The following CNTN1 variants were observed in gnomAD, a reference collection of about 807,000 sequenced individuals.
CNTN1 encodes the protein contactin 1.
Under a neutral mutation model 126.4 loss-of-function variants are expected in CNTN1, and 38 were observed. That is an observed-to-expected ratio of 0.30 (90% CI 0.23 to 0.39). The LOEUF (loss-of-function observed/expected upper bound fraction) is 0.39. Among genes scored for constraint, CNTN1 ranks in the 10% least tolerant of loss-of-function variants. The pLI is 1.00. For synonymous variants in CNTN1, 413 were observed against 422.6 expected, an observed-to-expected ratio of 0.98 and a Z score of 0.28; for missense variants, 1,009 against 1,248.4, an observed-to-expected ratio of 0.81 and a Z score of 2.89.
intron 14 of CNTN1, among the ~76,000 whole-genome samples, chr12:40,952,570 T>C (rs1946728940): frequency 6.6e-6 from 1 of 151,598 alleles, no homozygotes; most frequent in Admixed American, 6.6e-5. Flanking sequence ...GTAATATTAG[T>C]GGCTATAGTT....
intron 10 of CNTN1, 146 bp from the exon 11 acceptor site, chr12:40,937,424 T>G: frequency 1.5e-6 from 1 of 671,910 alleles, no homozygotes. Context: ...TCCCATGCCA[T>G]GAAAATCCCA....
chr12:40,707,349 C>A (rs1027019903), intron 1 of CNTN1, among the ~76,000 whole-genome samples: 1 of 148,938 alleles, frequency 6.7e-6, no homozygotes, highest in Non-Finnish European at 1.5e-5. Context: ...CCTGGGTTCG[C>A]GCCATTCTCC....
intron 14 of CNTN1, among the ~76,000 whole-genome samples, chr12:40,955,106 A>G (rs1946827691): frequency 6.6e-6 from 1 of 151,934 alleles, no homozygotes; most frequent in African/African-American, 2.4e-5. Context: ...CCGAAATCAC[A>G]TGGTTGGATT....
chr12:40,971,923 T>C, intron 15 of CNTN1: 2 of 1,036,434 alleles, frequency 1.9e-6, no homozygotes, highest in African/African-American at 3.5e-5. Context: ...ATGAACAATG[T>C]TGTCAAACTC....
chr12:40,860,529 G>T (rs942905526), intron 1 of CNTN1, among the ~76,000 whole-genome samples: 2 of 150,726 alleles, frequency 1.3e-5, no homozygotes, highest in Non-Finnish European at 3.0e-5. Context: ...GCTACAAATT[G>T]CAGGCTCCCA....
chr12:40,791,065 A>T (rs888816049), intron 1 of CNTN1, among the ~76,000 whole-genome samples: 1 of 152,036 alleles, frequency 6.6e-6, no homozygotes, highest in African/African-American at 2.4e-5. Context: ...TTCTCACAAC[A>T]ATTTTGTTAT....
chr12:40,989,719 A>G (rs1384522936), intron 16 of CNTN1, among the ~76,000 whole-genome samples: 1 of 152,160 alleles, frequency 6.6e-6, no homozygotes, highest in East Asian at 1.9e-4. Context: ...TATTTGTAAA[A>G]CATCATGCTG....
At chr12:40,940,779 C>T (rs1403770194) in intron 12 of CNTN1, among the ~76,000 whole-genome samples, 1 of 152,102 alleles carries the variant, frequency 6.6e-6, no homozygotes, top group East Asian at 1.9e-4. Flanking sequence ...TGTTTGACCT[C>T]AGGGTTGTTA....
At chr12:40,911,302 A>C (rs145885776) in intron 3 of CNTN1, among the ~76,000 whole-genome samples, 2 of 152,084 alleles carry the variant, frequency 1.3e-5, no homozygotes, top group South Asian at 2.1e-4. Context: ...GGATGGTCTC[A>C]ATCTCCTGAC....
intron 1 of CNTN1, among the ~76,000 whole-genome samples, chr12:40,820,998 G>A (rs539826908): frequency 2.0e-5 from 3 of 152,238 alleles, no homozygotes; most frequent in East Asian, 1.9e-4. Flanking sequence ...ACTTGATGAC[G>A]TCACTCCACA....
At chr12:40,773,942 T>G (rs1939475981) in intron 1 of CNTN1, among the ~76,000 whole-genome samples, 2 of 151,416 alleles carry the variant, frequency 1.3e-5, no homozygotes, top group African/African-American at 4.8e-5. Context: ...GGAACTTATT[T>G]TTGTCAGCAC....
At chr12:40,822,051 C>T (rs1256442667) in intron 1 of CNTN1, among the ~76,000 whole-genome samples, 1 of 151,694 alleles carries the variant, frequency 6.6e-6, no homozygotes, top group Admixed American at 6.6e-5. Flanking sequence ...TCTGGTAATA[C>T]CCTCCTCTGC....
chr12:40,862,527 T>C (rs549455997), intron 1 of CNTN1, among the ~76,000 whole-genome samples: 6 of 152,336 alleles, frequency 3.9e-5, no homozygotes, highest in South Asian at 2.1e-4. Flanking sequence ...GGTTACTCGG[T>C]GGCTTTACAA....
chr12:40,868,736 C>A (rs906361431), intron 1 of CNTN1, among the ~76,000 whole-genome samples: 17 of 152,226 alleles, frequency 1.1e-4, no homozygotes, highest in African/African-American at 4.1e-4. Context: ...CTATCCCTGA[C>A]AATTTCATGG....
At chr12:41,039,728 G>A (rs1288824827) in intron 23 of CNTN1, among the ~76,000 whole-genome samples, 1 of 152,066 alleles carries the variant, frequency 6.6e-6, no homozygotes, top group Non-Finnish European at 1.5e-5. Flanking sequence ...GATGGAGATG[G>A]AGGAAACAGA....
chr12:40,908,281 C>T, intron 1 of CNTN1, 76 bp from the exon 2 acceptor site: 8 of 568,668 alleles, frequency 1.4e-5, no homozygotes, highest in South Asian at 4.7e-5. Context: ...CTTTCTTCTC[C>T]TCTCCTCCTC....
chr12:41,040,347 G>A (rs933234527), intron 23 of CNTN1, among the ~76,000 whole-genome samples: 1 of 152,084 alleles, frequency 6.6e-6, no homozygotes, highest in Non-Finnish European at 1.5e-5. Flanking sequence ...AAGAGTATTA[G>A]CAAAGAAGCA....
intron 1 of CNTN1, among the ~76,000 whole-genome samples, chr12:40,737,752 C>G (rs752940537): frequency 6.6e-6 from 1 of 151,984 alleles, no homozygotes; most frequent in Non-Finnish European, 1.5e-5. Flanking sequence ...TCAGTATTAA[C>G]CATCACACAA....
At chr12:40,958,555 C>T (rs1437462545) in intron 14 of CNTN1, among the ~76,000 whole-genome samples, 1 of 152,106 alleles carries the variant, frequency 6.6e-6, no homozygotes, top group South Asian at 2.1e-4. Flanking sequence ...TAGAATAGAG[C>T]ATTGAACAAA....
Sources: gnomAD v4.1 joint callset for allele counts (sites outside exome capture counted in the v4.1 genomes callset) on GRCh38, gnomAD v4.1.1 for gene constraint, MANE v1.5 for transcripts, NCBI Gene and HGNC (gene_info 2026-07-23, HGNC 2026-07-21) for gene names.